The following FRMD6 variants were observed in gnomAD, a reference collection of about 807,000 sequenced individuals.
The protein encoded by FRMD6 is FERM domain containing 6.
FRMD6 carries 37 observed loss-of-function variants against 73.2 expected under a neutral mutation model. The ratio of observed to expected loss-of-function variants is 0.51; its 90% CI spans 0.39 to 0.66. The LOEUF is 0.66. Among genes scored for constraint, FRMD6 ranks in the 30% least tolerant of loss-of-function variants. The probability of loss-of-function intolerance (pLI) is 0.00; values close to 1 mark genes in which losing one functional copy is unlikely to be tolerated. For missense variants in FRMD6, 714 were observed against 780.5 expected (o/e 0.91, Z 1.02); for synonymous variants, 273 against 282.2 (o/e 0.97, Z 0.33).
At chr14:51,435,653 G>C in the FRMD6 span, among the ~76,000 whole-genome samples, 1 of 152,144 alleles carries the variant, frequency 6.6e-6, no homozygotes, top group African/African-American at 2.4e-5. Flanking sequence ...AGGGTAGAGG[G>C]AAGGGGAGAT....
intron 1 of FRMD6, among the ~76,000 whole-genome samples, chr14:51,525,263 T>A (rs1249047778): frequency 6.6e-6 from 1 of 151,876 alleles, no homozygotes; most frequent in African/African-American, 2.4e-5. Flanking sequence ...TTTATTTATT[T>A]ATTTTTATTT....
At chr14:51,555,171 A>G (rs1284390010) in intron 1 of FRMD6, among the ~76,000 whole-genome samples, 1 of 152,212 alleles carries the variant, frequency 6.6e-6, no homozygotes, top group Non-Finnish European at 1.5e-5. Flanking sequence ...GTCATCTGGC[A>G]GAAGTCTACT....
upstream of FRMD6, among the ~76,000 whole-genome samples, chr14:51,485,243 T>C (rs1882740600): frequency 6.6e-6 from 1 of 152,216 alleles, no homozygotes; most frequent in Non-Finnish European, 1.5e-5. Context: ...ACAGCTCACC[T>C]ACACAAGTCT....
chr14:51,467,119 C>G, the FRMD6 span, among the ~76,000 whole-genome samples: 1 of 152,182 alleles, frequency 6.6e-6, no homozygotes. Flanking sequence ...CTGCCGCCTT[C>G]CGCAGTGTTT....
chr14:51,405,311 C>G, the FRMD6 span, among the ~76,000 whole-genome samples: 5 of 152,078 alleles, frequency 3.3e-5, no homozygotes, highest in Non-Finnish European at 1.5e-5. Context: ...ATTTCTGGGT[C>G]TAATGGTAGT....
chr14:51,639,872 T>C (rs1257868113), intron 2 of FRMD6, among the ~76,000 whole-genome samples: 1 of 152,054 alleles, frequency 6.6e-6, no homozygotes, highest in East Asian at 1.9e-4. Context: ...TGGGAAGGAG[T>C]AGAAATTGGG....
At chr14:51,646,335 A>C (rs1892070353) in intron 2 of FRMD6, among the ~76,000 whole-genome samples, 2 of 151,158 alleles carry the variant, frequency 1.3e-5, no homozygotes, top group South Asian at 2.1e-4. Flanking sequence ...AAAAAAAAAA[A>C]AAAAAAACCC....
At chr14:51,693,564 A>G (rs542872955) in intron 2 of FRMD6, among the ~76,000 whole-genome samples, 1 of 152,306 alleles carries the variant, frequency 6.6e-6, no homozygotes, top group East Asian at 1.9e-4. Context: ...TACCCTCTGC[A>G]CAGGGACATT....
At chr14:51,695,342 G>C (rs1247742877) in intron 2 of FRMD6, among the ~76,000 whole-genome samples, 5 of 152,160 alleles carry the variant, frequency 3.3e-5, no homozygotes, top group Non-Finnish European at 4.4e-5. Flanking sequence ...CGATGATAAT[G>C]GAACTCAAAA....
At position 51,706,135 on chromosome 14, in the gene FRMD6, C is replaced by T. The variant is rs561790287; in HGVS notation, c.558+1200C>T. 1.4e-4 allele frequency among the ~76,000 whole-genome samples: 21 copies of T among 152,232 alleles called. 1 individual carries two copies. In the South Asian group the frequency reaches 4.4e-3, roughly 32 times the overall value. ...TACGGAACTCTGCCTTATCACCATT[C>T]CTTCTCCCTGTCCTGTCCCATCAAC... On this transcript the variant is annotated intron_variant, in intron 6 of 13. Coordinates refer to ENST00000344768, the MANE Select transcript of FRMD6 (RefSeq NM_001267046.2).
chr14:51,554,050 C>T (rs1886985031), intron 1 of FRMD6, among the ~76,000 whole-genome samples: 1 of 151,916 alleles, frequency 6.6e-6, no homozygotes, highest in South Asian at 2.1e-4. Flanking sequence ...ACAAGATGAA[C>T]CTAGGGCACC....
At chr14:51,408,594 T>C in the FRMD6 span, among the ~76,000 whole-genome samples, 2 of 152,198 alleles carry the variant, frequency 1.3e-5, no homozygotes, top group Admixed American at 1.3e-4. Flanking sequence ...GTCTCTTCCC[T>C]TTTACTCATA....
At chr14:51,472,737 A>C in the FRMD6 span, among the ~76,000 whole-genome samples, 1 of 152,186 alleles carries the variant, frequency 6.6e-6, no homozygotes, top group African/African-American at 2.4e-5. Context: ...CCTGTCAAAA[A>C]TTCTGAGCAG....
At chr14:51,637,265 T>G (rs1332649558) in intron 2 of FRMD6, 1 of 152,156 alleles carries the variant, frequency 6.6e-6, no homozygotes, top group African/African-American at 2.4e-5. Context: ...AAAATAAATC[T>G]TCATTTTTCT....
intron 2 of FRMD6, among the ~76,000 whole-genome samples, chr14:51,601,770 A>C (rs748376309): frequency 2.0e-5 from 3 of 152,268 alleles, no homozygotes; most frequent in Non-Finnish European, 4.4e-5. Flanking sequence ...ACATGCAGAC[A>C]AATGTCCCTG....
At chr14:51,471,545 T>C in the FRMD6 span, among the ~76,000 whole-genome samples, 1 of 152,178 alleles carries the variant, frequency 6.6e-6, no homozygotes, top group Non-Finnish European at 1.5e-5. Flanking sequence ...GAATTATTCT[T>C]TTTATCATTA....
chr14:51,625,463 T>G (rs575255224), intron 2 of FRMD6, among the ~76,000 whole-genome samples: 107 of 115,208 alleles, frequency 9.3e-4, no homozygotes, highest in South Asian at 1.7e-3. Flanking sequence ...ATCTTTTTTT[T>G]TTGTTGTTGT....
intron 1 of FRMD6, among the ~76,000 whole-genome samples, chr14:51,566,746 T>C (rs1887796058): frequency 6.6e-6 from 1 of 152,248 alleles, no homozygotes; most frequent in African/African-American, 2.4e-5. Context: ...CCCAATACTT[T>C]CAAAACCAAA....
the FRMD6 span, chr14:51,454,449 C>CT: frequency 6.6e-6 from 1 of 152,198 alleles, no homozygotes; most frequent in Non-Finnish European, 1.5e-5. Flanking sequence ...CTCTTCCCTC[C>CT]TGAGAAGAGC....
Sources: gnomAD v4.1 joint callset for allele counts (sites outside exome capture counted in the v4.1 genomes callset) on GRCh38, gnomAD v4.1.1 for gene constraint, MANE v1.5 for transcripts, NCBI Gene and HGNC (gene_info 2026-07-23, HGNC 2026-07-21) for gene names.